Variants in KIF1B observed in about 807,000 individuals in gnomAD.
KIF1B encodes the protein kinesin-like protein KIF1B.
In KIF1B, 76 loss-of-function variants were observed where a neutral mutation model predicts 241.9. The observed-to-expected ratio is 0.31, with a 90% CI of 0.26 to 0.38. The LOEUF (loss-of-function observed/expected upper bound fraction) is 0.38, where lower values mean the gene tolerates loss of function less well. KIF1B is among the 10% of genes least tolerant of loss of function. The pLI is 1.00. For synonymous variants in KIF1B, 750 were observed against 796.7 expected, an observed-to-expected ratio of 0.94 and a Z score of 0.99; for missense variants, 1,622 against 2,271.4, an observed-to-expected ratio of 0.71 and a Z score of 5.81.
At chr1:10,248,115 T>C (rs1214475049) in intron 2 of KIF1B, among the ~76,000 whole-genome samples, 1 of 152,186 alleles carries the variant, frequency 6.6e-6, no homozygotes. Flanking sequence ...ACTTCATCGG[T>C]AAAATCTTTG....
rs181793238 is a variant in KIF1B, at chr1:10,338,799, C to T, written c.3423-970C>T. Among the ~76,000 whole-genome samples the T allele has an allele frequency of 3.3e-4, 51 of 152,338 alleles. No individual in the cohort carries two copies. The East Asian group carries it at 9.1e-3, about 27-fold the overall frequency. On this transcript the variant is annotated intron_variant, in intron 31 of 48. Coordinates refer to ENST00000676179, the MANE Select transcript of KIF1B (RefSeq NM_001365951.3). ...CTGCAGAGCACTGTGAATGAGTTCA[C>T]CTGTCGTCAGGGAACCCCAGGAATG...
rs1481645640 is a variant in KIF1B at position 10,361,030 on chromosome 1, C to T, written c.4157C>T (p.Ser1386Leu). 9.3e-6 allele frequency: 15 copies of T among 1,610,838 alleles called. No homozygotes were observed. Among genetic ancestry groups the T allele is most frequent in the Non-Finnish European group, 1.3e-5 (15 of 1,177,066 alleles). Residue 1386 changes from serine (S) to leucine (L), a missense_variant, in exon 39 of 49, where the codon TCG (serine) becomes TTG (leucine). Coordinates refer to ENST00000676179, the MANE Select transcript of KIF1B (RefSeq NM_001365951.3). ...GGAGAAAAGATCTACATGACCTTGT[C>T]GGCCTACCTAGAGGTGAGGAGACTT... ...PYGEKIYMTL[S>L]AYLELDHCIQ... is the part of the protein sequence containing the mutation.
At chr1:10,295,618 T>G in intron 18 of KIF1B, 42 bp from the exon 19 acceptor site, 1 of 1,551,098 alleles carries the variant, frequency 6.4e-7, no homozygotes, top group Non-Finnish European at 8.9e-7. Context: ...TAGTGCTTTC[T>G]GTGTCTGAAT....
chr1:10,299,424 A>G (rs967665979), intron 22 of KIF1B, among the ~76,000 whole-genome samples: 11 of 152,138 alleles, frequency 7.2e-5, no homozygotes, highest in African/African-American at 2.7e-4. Flanking sequence ...GACTTAAGGG[A>G]GGAACTGATT....
chr1:10,378,599 C>T lies in KIF1B; in HGVS notation c.*2012C>T, dbSNP rs181454124. The T allele has an allele frequency of 1.1e-4, 67 of 595,936 alleles. No homozygotes were observed. Among genetic ancestry groups the T allele is most frequent in the Admixed American group, 1.0e-3 (35 of 34,706 alleles). The allele number at this position is 595,936 out of a possible 1,614,324, so 36.9% of individuals were successfully genotyped here. A position where few individuals can be genotyped will look rare whatever the true frequency, so the allele number is the denominator to read the frequency against. On this transcript the variant is annotated 3_prime_UTR_variant, in exon 49 of 49. Coordinates refer to ENST00000676179, the MANE Select transcript of KIF1B (RefSeq NM_001365951.3). Reference sequence around the variant, plus strand: ...GGCCTTGAGGTTGCTGACTCTCAGGCGTTAGGCAGCTGGATGACTTCCCGC... The same window carrying T: ...GGCCTTGAGGTTGCTGACTCTCAGGTGTTAGGCAGCTGGATGACTTCCCGC...
At chr1:10,270,986 A>G (rs370739571) in intron 7 of KIF1B, among the ~76,000 whole-genome samples, 2 of 151,700 alleles carry the variant, frequency 1.3e-5, no homozygotes. Context: ...TGATTGTACC[A>G]TTTTACATTC....
chr1:10,296,704 A>C, intron 20 of KIF1B, 39 bp downstream of exon 20: 1 of 1,567,852 alleles, frequency 6.4e-7, no homozygotes, highest in Non-Finnish European at 8.8e-7. Context: ...AGCAATGTGC[A>C]CATGGCTTCT....
At chr1:10,265,805 G>A (rs1648427817) in intron 5 of KIF1B, among the ~76,000 whole-genome samples, 1 of 152,074 alleles carries the variant, frequency 6.6e-6, no homozygotes, top group African/African-American at 2.4e-5. Flanking sequence ...AGCCATGTTT[G>A]AGCCACTGCA....
chr1:10,379,378 T>C lies in KIF1B; in HGVS notation c.*2791T>C, dbSNP rs1052398574. On this transcript the variant is annotated 3_prime_UTR_variant, in exon 49 of 49. Coordinates refer to ENST00000676179, the MANE Select transcript of KIF1B (RefSeq NM_001365951.3). Reference sequence around the variant, plus strand: ...GGAGCCAGAGGGAGCAGAGTGGTCGTGTCCTGCGTGCTCTTCACCCTCTGG... The same window carrying C: ...GGAGCCAGAGGGAGCAGAGTGGTCGCGTCCTGCGTGCTCTTCACCCTCTGG... 4.3e-6 allele frequency: 1 copy of C among 231,364 alleles called. No individual in the cohort carries two copies. Among genetic ancestry groups the C allele is most frequent in the Non-Finnish European group, 8.6e-6 (1 of 116,522 alleles). 14.3% of individuals were successfully genotyped at this position (231,364 alleles called of 1,614,324 possible).
intron 45 of KIF1B, among the ~76,000 whole-genome samples, chr1:10,371,856 C>T (rs781607432): frequency 6.6e-5 from 10 of 152,128 alleles, no homozygotes; most frequent in African/African-American, 9.7e-5. Context: ...TCGCTTGAAT[C>T]CAGGAGTTCA....
rs574014045 is a variant in KIF1B, at chr1:10,380,724, C to G, written c.*4137C>G. Reference sequence around the variant, plus strand: ...CCGTCTCAAAAAAAAAGAAAAGATTCATGATGCTGCTGCTCCCAGAAGGTT... The same window carrying G: ...CCGTCTCAAAAAAAAAGAAAAGATTGATGATGCTGCTGCTCCCAGAAGGTT... On this transcript the variant is annotated 3_prime_UTR_variant, in exon 49 of 49. Coordinates refer to ENST00000676179, the MANE Select transcript of KIF1B (RefSeq NM_001365951.3). The G allele has an allele frequency of 4.7e-6, 1 of 211,700 alleles. No individual in the cohort carries two copies. Among genetic ancestry groups the G allele is most frequent in the South Asian group, 1.9e-4 (1 of 5,300 alleles). 13.1% of individuals were successfully genotyped at this position (211,700 alleles called of 1,614,324 possible).
At chr1:10,237,529 C>G (rs1265091496) in intron 2 of KIF1B, among the ~76,000 whole-genome samples, 2 of 152,176 alleles carry the variant, frequency 1.3e-5, no homozygotes, top group East Asian at 3.8e-4. Context: ...TAACAACCTT[C>G]CTTTGCCAGG....
intron 22 of KIF1B, among the ~76,000 whole-genome samples, chr1:10,317,844 T>A (rs1205556031): frequency 1.6e-5 from 2 of 123,790 alleles, no homozygotes; most frequent in Non-Finnish European, 1.7e-5. Flanking sequence ...AAAAAAAAAA[T>A]TGCCTGACAT....
chr1:10,303,999 A>AC lies in KIF1B; in HGVS notation c.2115+6753_2115+6754insC. The AC allele has an allele frequency of 1.9e-6, 3 of 1,608,780 alleles. No homozygotes were observed. Among genetic ancestry groups the AC allele is most frequent in the Admixed American group, 3.4e-5 (2 of 59,366 alleles). On this transcript the variant is annotated intron_variant, in intron 22 of 48. Transcript: ENST00000676179. The surrounding 1 kb of genome is among the most constrained non-coding windows in gnomAD (Gnocchi z 5.2). ...AGAACTTGCAACAGCAGGAGATAAC[A>AC]AAGCAGCTTCGTCGGCAGAATGTAC...
intron 15 of KIF1B, among the ~76,000 whole-genome samples, chr1:10,288,162 G>A (rs1420266830): frequency 6.6e-6 from 1 of 152,190 alleles, no homozygotes; most frequent in Non-Finnish European, 1.5e-5. Flanking sequence ...ATATGCAAAA[G>A]CATTTTCTTT....
Position 10,251,114 on chromosome 1 carries a change from C to T in KIF1B, c.107-5133C>T, listed in dbSNP as rs553314787. Reference sequence around the variant, plus strand: ...CTAGGAGACAGCGGTTGCAGTGAGCCGAGATCGTGCCACTGCACTCCAGCC... The same window carrying T: ...CTAGGAGACAGCGGTTGCAGTGAGCTGAGATCGTGCCACTGCACTCCAGCC... On this transcript the variant is annotated intron_variant, in intron 2 of 48. Coordinates refer to ENST00000676179, the MANE Select transcript of KIF1B (RefSeq NM_001365951.3). 3.9e-5 allele frequency among the ~76,000 whole-genome samples: 6 copies of T among 151,966 alleles called. No individual in the cohort carries two copies. In the East Asian group the frequency reaches 7.8e-4, roughly 20 times the overall value.
chr1:10,269,617 C>T (rs1015164482), intron 7 of KIF1B, among the ~76,000 whole-genome samples: 26 of 150,620 alleles, frequency 1.7e-4, no homozygotes, highest in African/African-American at 4.7e-4. Flanking sequence ...GTCAGGAGTT[C>T]GAGACCAGCC....
At chr1:10,223,688 A>C (rs1489967402) in intron 1 of KIF1B, among the ~76,000 whole-genome samples, 1 of 151,746 alleles carries the variant, frequency 6.6e-6, no homozygotes, top group Non-Finnish European at 1.5e-5. Flanking sequence ...CTAGGACTAC[A>C]GGCACGTGCC....
Position 10,375,289 on chromosome 1 carries a change from G to A in KIF1B, c.5324G>A (p.Arg1775His), listed in dbSNP as rs374303355. 1.1e-5 allele frequency: 17 copies of A among 1,614,002 alleles called. No homozygotes were observed. Among genetic ancestry groups the A allele is most frequent in the Middle Eastern group, 3.3e-4 (2 of 6,064 alleles). Residue 1775 changes from arginine to histidine, a missense_variant, in exon 48 of 49, where the codon CGT (arginine) becomes CAT (histidine). Physicochemically the swap from Arg to His is conservative, Grantham distance 29 (BLOSUM62 0). Around this residue, in one of 7 missense-constraint regions of KIF1B, gnomAD observed 357 missense variants for 409.0 expected, o/e 0.87. Coordinates refer to ENST00000676179, the MANE Select transcript of KIF1B (RefSeq NM_001365951.3). Reference sequence around the variant, plus strand: ...ACCTTTGCTGTCTGCACAAAGCACCGTGGGGTCCTTTTGCAGGCCCTCAAT... The same window carrying A: ...ACCTTTGCTGTCTGCACAAAGCACCATGGGGTCCTTTTGCAGGCCCTCAAT... ...PNTFAVCTKH[R>H]GVLLQALNDK...
Sources: gnomAD v4.1 joint callset for allele counts (sites outside exome capture counted in the v4.1 genomes callset) on GRCh38, gnomAD v4.1.1 for gene constraint, gnomAD v4.1.1 regional missense constraint, Gnocchi (gnomAD v3.1) non-coding constraint, MANE v1.5 for transcripts, NCBI Gene and HGNC (gene_info 2026-07-23, HGNC 2026-07-21) for gene names.